The following CACNA1C variants were observed in gnomAD, a reference collection of about 807,000 sequenced individuals.
The protein encoded by CACNA1C is calcium voltage-gated channel subunit alpha1 C.
A neutral mutation model predicts 229.0 loss-of-function variants in CACNA1C; 30 were observed. The ratio of observed to expected loss-of-function variants is 0.13; its 90% CI spans 0.10 to 0.18. The LOEUF is 0.18. CACNA1C is among the 10% of genes least tolerant of loss of function. The pLI is 1.00. For missense variants in CACNA1C, 1,658 were observed against 2,845.0 expected (o/e 0.58, Z 9.49); for synonymous variants, 1,114 against 1,132.5 (o/e 0.98, Z 0.33).
intron 3 of CACNA1C, among the ~76,000 whole-genome samples, chr12:2,203,443 T>C (rs891215969): frequency 1.3e-5 from 2 of 152,150 alleles, no homozygotes; most frequent in African/African-American, 4.8e-5. Flanking sequence ...GGCTTTTACC[T>C]GCATTCAATT....
At position 2,410,095 on chromosome 12, in the gene CACNA1C, C is replaced by A. The variant is rs2098789941; in HGVS notation, c.478-38881C>A. Among the ~76,000 whole-genome samples, 1 of 152,220 alleles carries A rather than the reference C, an allele frequency of 6.6e-6. No homozygotes were observed. Among genetic ancestry groups the A allele is most frequent in the African/African-American group, 2.4e-5 (1 of 41,450 alleles). ...GCCTCAGCAAGCTGGCAGCTTCGTC[C>A]TCTCAGACTGTGGGTTGCTTTTAGC... On this transcript the variant is annotated intron_variant, in intron 3 of 46. Transcript: ENST00000399655. This position sits in a 1 kb window ranked among gnomAD's most constrained non-coding sequence, Gnocchi z 5.3.
rs11062152 is a variant in CACNA1C, at chr12:2,202,097, G to A, written c.477+81667G>A. Reference sequence around the variant, plus strand: ...ATTAGAGAAATGATAATGATCGTGGGCCTTTGTTTCCCCTTGCCTGAGCTG... The same window carrying A: ...ATTAGAGAAATGATAATGATCGTGGACCTTTGTTTCCCCTTGCCTGAGCTG... On this transcript the variant is annotated intron_variant, in intron 3 of 46. Transcript: ENST00000399655. Among the ~76,000 whole-genome samples the A allele has an allele frequency of 2.0e-5, 3 of 152,360 alleles. No homozygotes were observed. In the East Asian group the frequency reaches 5.8e-4, roughly 29 times the overall value.
At chr12:2,514,704 G>C (rs549293808) in intron 9 of CACNA1C, among the ~76,000 whole-genome samples, 2 of 152,080 alleles carry the variant, frequency 1.3e-5, no homozygotes, top group East Asian at 1.9e-4. Context: ...TCTGTAGCGC[G>C]TGTTATTGAA....
At chr12:2,360,953 C>T (rs1340369023) in intron 3 of CACNA1C, among the ~76,000 whole-genome samples, 3 of 152,116 alleles carry the variant, frequency 2.0e-5, no homozygotes, top group Admixed American at 6.5e-5. Flanking sequence ...TCACCACACA[C>T]GACCATGCGC....
At chr12:2,279,067 A>G (rs939503603) in intron 3 of CACNA1C, among the ~76,000 whole-genome samples, 1 of 152,186 alleles carries the variant, frequency 6.6e-6, no homozygotes, top group East Asian at 1.9e-4. Context: ...TATTTTGCAT[A>G]CATTATATTT....
In CACNA1C at chr12:2,695,310, T is replaced by C. The variant is rs2097831262; in HGVS notation, c.*4111T>C. 6.6e-6 allele frequency: 1 copy of C among 152,284 alleles called. No individual in the cohort carries two copies. Among genetic ancestry groups the C allele is most frequent in the Admixed American group, 6.5e-5 (1 of 15,290 alleles). The allele number at this position is 152,284 out of a possible 1,614,324, so 9.4% of individuals were successfully genotyped here. A position where few individuals can be genotyped will look rare whatever the true frequency, so the allele number is the denominator to read the frequency against. ...AGCCGCTGACATCTCAAGGATCTATTTGGGAAGGTGAGAAGAGTACTCATT... is the reference window on the plus strand; with the variant it reads ...AGCCGCTGACATCTCAAGGATCTATCTGGGAAGGTGAGAAGAGTACTCATT... On this transcript the variant is annotated 3_prime_UTR_variant, in exon 47 of 47. Transcript: ENST00000399655.
Position 2,287,556 on chromosome 12 carries a change from C to T in CACNA1C, c.478-161420C>T, listed in dbSNP as rs968671269. Among the ~76,000 whole-genome samples the T allele has an allele frequency of 4.6e-5, 7 of 152,174 alleles. No individual in the cohort carries two copies. Among genetic ancestry groups the T allele is most frequent in the Non-Finnish European group, 8.8e-5 (6 of 68,034 alleles). ...TTCTGTGATTCTGGGTAAAGCAGAC[C>T]ATGTGCCATCGGGAGTGCTCCTGTG... On this transcript the variant is annotated intron_variant, in intron 3 of 46. Coordinates refer to ENST00000399655, the MANE Select transcript of CACNA1C (RefSeq NM_000719.7). This position sits in a 1 kb window ranked among gnomAD's most constrained non-coding sequence, Gnocchi z 4.6.
intron 9 of CACNA1C, among the ~76,000 whole-genome samples, chr12:2,516,177 G>C (rs144925207): frequency 4.5e-4 from 69 of 152,328 alleles, no homozygotes; most frequent in Non-Finnish European, 7.5e-4. Context: ...GCACCATGCA[G>C]ATAGTTGGGA....
At chr12:2,126,063 T>G (rs2089901499) in intron 3 of CACNA1C, among the ~76,000 whole-genome samples, 1 of 152,256 alleles carries the variant, frequency 6.6e-6, no homozygotes, top group Admixed American at 6.5e-5. Context: ...CTCCCACTTA[T>G]TTTTCTAACA....
At chr12:2,039,555 C>T (rs1282269354) in intron 1 of CACNA1C, among the ~76,000 whole-genome samples, 1 of 152,222 alleles carries the variant, frequency 6.6e-6, no homozygotes, top group East Asian at 1.9e-4. Context: ...GTAAGTACAA[C>T]ATCGTTCTTG....
At chr12:2,073,497 G>A (rs765324968) in intron 1 of CACNA1C, among the ~76,000 whole-genome samples, 12 of 152,168 alleles carry the variant, frequency 7.9e-5, no homozygotes, top group Non-Finnish European at 1.5e-4. Flanking sequence ...TCTTGGAGGA[G>A]CTGGGCTGGC....
intron 9 of CACNA1C, among the ~76,000 whole-genome samples, chr12:2,533,202 G>C (rs1271079441): frequency 6.6e-6 from 1 of 152,112 alleles, no homozygotes; most frequent in Non-Finnish European, 1.5e-5. Flanking sequence ...CTTTTGGTTT[G>C]GGGTCGGTTT....
At chr12:2,612,229 C>T (rs1286630987) in intron 29 of CACNA1C, 2 of 527,654 alleles carry the variant, frequency 3.8e-6, no homozygotes, top group Non-Finnish European at 6.8e-6. Flanking sequence ...AGTGTTGACC[C>T]TGGCTGGCAT....
At chr12:2,469,350 C>T (rs893357478) in intron 5 of CACNA1C, among the ~76,000 whole-genome samples, 1 of 152,144 alleles carries the variant, frequency 6.6e-6, no homozygotes, top group Non-Finnish European at 1.5e-5. Flanking sequence ...CATCGAGCCA[C>T]GCGACACGAG....
At chr12:1,984,329 T>C (rs1370504131) in intron 1 of CACNA1C, among the ~76,000 whole-genome samples, 3 of 152,090 alleles carry the variant, frequency 2.0e-5, no homozygotes, top group African/African-American at 7.2e-5. Context: ...CTTGTCTTCT[T>C]TTGGGTTATT....
chr12:2,557,680 T>A (rs2045209717), intron 11 of CACNA1C, among the ~76,000 whole-genome samples: 1 of 152,188 alleles, frequency 6.6e-6, no homozygotes, highest in African/African-American at 2.4e-5. Flanking sequence ...TTCTCTGCCA[T>A]TTCACTGGGC....
At chr12:1,998,468 C>T (rs912410410) in intron 1 of CACNA1C, among the ~76,000 whole-genome samples, 1 of 152,174 alleles carries the variant, frequency 6.6e-6, no homozygotes, top group East Asian at 1.9e-4. Flanking sequence ...ACTTTGACTG[C>T]TAGACAGAGA....
At position 2,633,865 on chromosome 12, in the gene CACNA1C, C is replaced by G. The variant is rs1168018096; in HGVS notation, c.3829-432C>G. 6.6e-6 allele frequency among the ~76,000 whole-genome samples: 1 copy of G among 152,032 alleles called. No homozygotes were observed. The highest frequency in any genetic ancestry group is 2.4e-5 in the African/African-American group (1 of 41,360). ...CCTCCAGTCATGCCTTTTATTGAAC[C>G]TGCCGTCGTCCTGTGGGGGAAAAAA... is the stretch of plus-strand genomic sequence containing the variant. On this transcript the variant is annotated intron_variant, in intron 29 of 46. Coordinates refer to ENST00000399655, the MANE Select transcript of CACNA1C (RefSeq NM_000719.7). This position sits in a 1 kb window ranked among gnomAD's most constrained non-coding sequence, Gnocchi z 5.8.
At chr12:2,312,083 G>A (rs116476811) in intron 3 of CACNA1C, among the ~76,000 whole-genome samples, 2,184 of 152,256 alleles carry the variant, frequency 0.014, 53 homozygotes, top group African/African-American at 0.049. Context: ...CCCACACAAT[G>A]TCAGGATATT....
Sources: allele counts gnomAD v4.1 joint callset (sites outside exome capture counted in the v4.1 genomes callset), GRCh38; gene constraint gnomAD v4.1.1; non-coding constraint Gnocchi (gnomAD v3.1); transcripts MANE v1.5; gene names NCBI Gene and HGNC (gene_info 2026-07-23, HGNC 2026-07-21).